MCTP2: variants seen among roughly 807,000 people sequenced by gnomAD.
MCTP2 encodes the protein multiple C2 and transmembrane domain containing 2.
A neutral mutation model predicts 111.6 loss-of-function variants in MCTP2; 132 were observed. The ratio of observed to expected loss-of-function variants is 1.18; its 90% CI spans 1.03 to 1.37. MCTP2 has a LOEUF of 1.37. Ranked by LOEUF, MCTP2 falls within the 40% of genes most tolerant of loss-of-function variation. MCTP2 has a pLI of 0.00. For synonymous variants in MCTP2, 395 were observed against 387.7 expected, an observed-to-expected ratio of 1.02 and a Z score of -0.22; for missense variants, 1,183 against 1,067.9, an observed-to-expected ratio of 1.11 and a Z score of -1.50.
intron 20 of MCTP2, among the ~76,000 whole-genome samples, chr15:94,467,587 C>T (rs184726435): frequency 4.6e-5 from 7 of 151,968 alleles, no homozygotes; most frequent in Admixed American, 1.3e-4. Context: ...AGCTGCGTAG[C>T]GTTGCAGAGT....
chr15:94,345,503 T>G (rs927835736), intron 8 of MCTP2, among the ~76,000 whole-genome samples: 1 of 152,170 alleles, frequency 6.6e-6, no homozygotes, highest in African/African-American at 2.4e-5. Flanking sequence ...AAACTAGCAT[T>G]GGTGTTGTAG....
intron 20 of MCTP2, among the ~76,000 whole-genome samples, chr15:94,469,476 C>G (rs951766035): frequency 6.6e-6 from 1 of 152,136 alleles, no homozygotes; most frequent in African/African-American, 2.4e-5. Context: ...AAATGCTTCC[C>G]CATTTATTTC....
intron 14 of MCTP2, among the ~76,000 whole-genome samples, chr15:94,395,795 C>T (rs565576184): frequency 9.2e-5 from 14 of 152,168 alleles, no homozygotes; most frequent in Non-Finnish European, 1.5e-5. Context: ...GCAAGACTGT[C>T]TTCAGTGACT....
intron 4 of MCTP2, among the ~76,000 whole-genome samples, chr15:94,318,432 C>T (rs1467912388): frequency 6.6e-6 from 1 of 152,034 alleles, no homozygotes; most frequent in Non-Finnish European, 1.5e-5. Flanking sequence ...TACAGGCACG[C>T]ACCACCATGT....
intron 4 of MCTP2, among the ~76,000 whole-genome samples, chr15:94,328,253 T>C (rs929057419): frequency 3.3e-5 from 5 of 151,544 alleles, no homozygotes; most frequent in South Asian, 4.2e-4. Flanking sequence ...CTCAGCCTCA[T>C]GAGTAGCTGG....
intron 19 of MCTP2, among the ~76,000 whole-genome samples, chr15:94,450,339 TGTGTGC>T (rs1567732001): frequency 6.6e-6 from 1 of 152,160 alleles, no homozygotes; most frequent in African/African-American, 2.4e-5. Flanking sequence ...ACTCCATGTG[TGTGTGC>T]GTGTGTGTGT....
At chr15:94,388,043 G>A (rs2080619124) in intron 14 of MCTP2, among the ~76,000 whole-genome samples, 1 of 152,216 alleles carries the variant, frequency 6.6e-6, no homozygotes, top group South Asian at 2.1e-4. Context: ...GTAGGGTGGA[G>A]CTGGAGAGGA....
chr15:94,288,491 C>T (rs531631863), intron 1 of MCTP2, among the ~76,000 whole-genome samples: 3 of 152,326 alleles, frequency 2.0e-5, no homozygotes, highest in Middle Eastern at 3.4e-3. Flanking sequence ...GAAAACTAAA[C>T]TGATAATTGG....
At chr15:94,253,216 A>G (rs945004590) in intron 1 of MCTP2, among the ~76,000 whole-genome samples, 1 of 152,132 alleles carries the variant, frequency 6.6e-6, no homozygotes, top group African/African-American at 2.4e-5. Context: ...TGTCTTCCAC[A>G]TTTCCATCTC....
chr15:94,348,063 C>T (rs1033981432), intron 8 of MCTP2, among the ~76,000 whole-genome samples: 1 of 151,918 alleles, frequency 6.6e-6, no homozygotes, highest in African/African-American at 2.4e-5. Flanking sequence ...CTCTTTTGAC[C>T]CTCTGTTATA....
At chr15:94,418,538 T>C (rs1307464591) in intron 17 of MCTP2, among the ~76,000 whole-genome samples, 2 of 152,132 alleles carry the variant, frequency 1.3e-5, no homozygotes, top group African/African-American at 4.8e-5. Context: ...GAAATTATGA[T>C]CATTCTAGGG....
At chr15:94,325,758 G>A (rs2076833244) in intron 4 of MCTP2, among the ~76,000 whole-genome samples, 1 of 150,938 alleles carries the variant, frequency 6.6e-6, no homozygotes, top group Non-Finnish European at 1.5e-5. Flanking sequence ...TGTTGACGAA[G>A]GCACACCACT....
chr15:94,359,519 A>G (rs1247522668), intron 10 of MCTP2, among the ~76,000 whole-genome samples: 2 of 152,124 alleles, frequency 1.3e-5, no homozygotes, highest in African/African-American at 4.8e-5. Context: ...GTTCAGGGAG[A>G]TGCCTTAAGG....
intron 20 of MCTP2, among the ~76,000 whole-genome samples, chr15:94,467,346 A>G (rs2073443575): frequency 6.6e-6 from 1 of 152,208 alleles, no homozygotes; most frequent in South Asian, 2.1e-4. Flanking sequence ...CACTTTAAAA[A>G]AAATTTGAAA....
At position 94,482,351 on chromosome 15, in the gene MCTP2, G is replaced by A. The variant is rs1484215558; in HGVS notation, c.*3317G>A. On this transcript the variant is annotated 3_prime_UTR_variant, in exon 23 of 23. Coordinates refer to ENST00000357742, the MANE Select transcript of MCTP2 (RefSeq NM_001385001.1). ...CTGGACTTTCAAATAGTGGCACTGG[G>A]AAAAAAGTAAGTAGAATTGAGAGAT... 1 of 152,182 alleles carries A rather than the reference G, an allele frequency of 6.6e-6. No individual in the cohort carries two copies. The highest frequency in any genetic ancestry group is 1.9e-4 in the East Asian group (1 of 5,196). 9.4% of individuals were successfully genotyped at this position (152,182 alleles called of 1,614,324 possible).
chr15:94,381,935 C>T (rs2080161378), intron 12 of MCTP2, among the ~76,000 whole-genome samples: 1 of 152,200 alleles, frequency 6.6e-6, no homozygotes, highest in Non-Finnish European at 1.5e-5. Flanking sequence ...TTTTGACTCC[C>T]CAGCATCTAA....
chr15:94,320,245 C>T (rs528279628), intron 4 of MCTP2, among the ~76,000 whole-genome samples: 1 of 151,604 alleles, frequency 6.6e-6, no homozygotes, highest in African/African-American at 2.4e-5. Context: ...TGGGTTCACG[C>T]CATTCTCCTG....
intron 17 of MCTP2, among the ~76,000 whole-genome samples, chr15:94,415,738 C>A (rs1431067093): frequency 1.3e-5 from 2 of 151,776 alleles, no homozygotes; most frequent in African/African-American, 4.8e-5. Context: ...TTTGTCCAGA[C>A]CATCATTGTA....
chr15:94,471,283 C>T (rs568922763), intron 21 of MCTP2, among the ~76,000 whole-genome samples: 46 of 152,304 alleles, frequency 3.0e-4, no homozygotes, highest in African/African-American at 9.1e-4. Flanking sequence ...ATGCTCGTCA[C>T]TTCCAGGGAT....
Sources: allele counts gnomAD v4.1 joint callset (sites outside exome capture counted in the v4.1 genomes callset), GRCh38; gene constraint gnomAD v4.1.1; transcripts MANE v1.5; gene names NCBI Gene and HGNC (gene_info 2026-07-23, HGNC 2026-07-21).